Variants in UNC79 observed in about 807,000 individuals in gnomAD.
UNC79 encodes the protein unc-79 subunit of NALCN channel complex, also known as protein unc-79 homolog.
In UNC79, 37 loss-of-function variants were observed where a neutral mutation model predicts 283.1. The ratio of observed to expected loss-of-function variants is 0.13; its 90% CI spans 0.10 to 0.17. The LOEUF is 0.17. UNC79 is among the 10% of genes least tolerant of loss of function. The pLI is 1.00. For missense variants in UNC79, 2,272 were observed against 3,211.1 expected (o/e 0.71, Z 7.07); for synonymous variants, 1,107 against 1,200.2 (o/e 0.92, Z 1.61).
intron 19 of UNC79, 27 bp downstream of exon 19, chr14:93,580,403 C>A: frequency 6.2e-7 from 1 of 1,604,078 alleles, no homozygotes; most frequent in Non-Finnish European, 8.5e-7. Context: ...ACGAGATGAC[C>A]CATGTATAAT....
chr14:93,500,184 G>A (rs952393175), intron 7 of UNC79, among the ~76,000 whole-genome samples: 14 of 152,132 alleles, frequency 9.2e-5, no homozygotes, highest in Admixed American at 1.3e-4. Context: ...CCATTGCCCC[G>A]AGAAAGGTTC....
intron 41 of UNC79, among the ~76,000 whole-genome samples, chr14:93,675,197 G>A (rs1243166134): frequency 1.3e-5 from 2 of 152,154 alleles, no homozygotes; most frequent in East Asian, 1.9e-4. Flanking sequence ...CCTATCTTGG[G>A]CTGGGTTCTG....
intron 1 of UNC79, among the ~76,000 whole-genome samples, chr14:93,334,033 A>C (rs2053519511): frequency 6.6e-6 from 1 of 152,234 alleles, no homozygotes; most frequent in Non-Finnish European, 1.5e-5. Context: ...ATCTCTACCC[A>C]TTGTTTAACA....
chr14:93,434,922 A>G (rs534835121), intron 1 of UNC79, among the ~76,000 whole-genome samples: 67 of 152,322 alleles, frequency 4.4e-4, no homozygotes, highest in Admixed American at 1.6e-3. Flanking sequence ...GCCTCCCAGT[A>G]ACCAAAAATA....
intron 1 of UNC79, among the ~76,000 whole-genome samples, chr14:93,379,241 G>T (rs1017650909): frequency 1.3e-5 from 2 of 152,060 alleles, no homozygotes; most frequent in African/African-American, 2.4e-5. Context: ...GAACTACAGA[G>T]AATATGTCTT....
chr14:93,590,861 G>A (rs1009129840), intron 22 of UNC79, among the ~76,000 whole-genome samples: 2 of 152,200 alleles, frequency 1.3e-5, no homozygotes, highest in Non-Finnish European at 2.9e-5. Flanking sequence ...TTCCATGAAG[G>A]CACAAATTAT....
At chr14:93,667,259 A>G (rs1437877774) in intron 40 of UNC79, among the ~76,000 whole-genome samples, 1 of 152,080 alleles carries the variant, frequency 6.6e-6, no homozygotes, top group Non-Finnish European at 1.5e-5. Flanking sequence ...GAAAGAAGGA[A>G]GGAAAACATA....
intron 1 of UNC79, among the ~76,000 whole-genome samples, chr14:93,405,015 G>A (rs866998074): frequency 6.6e-5 from 10 of 152,052 alleles, no homozygotes; most frequent in Non-Finnish European, 1.3e-4. Flanking sequence ...GGGAGGGGTG[G>A]TTCATGCCTG....
chr14:93,702,449 A>G (rs896560441), intron 47 of UNC79, among the ~76,000 whole-genome samples: 1 of 152,266 alleles, frequency 6.6e-6, no homozygotes, highest in Non-Finnish European at 1.5e-5. Flanking sequence ...AAATGTCAAT[A>G]GAAGTCAAAT....
chr14:93,618,357 A>G lies in UNC79; in HGVS notation c.4387+3A>G. On this transcript the variant is annotated splice_donor_region_variant and intron_variant, in intron 29 of 48. Transcript: ENST00000555664. ...CAGATACAGCGAAAAAGAAAAAGGT[A>G]CATATCTAAATTCTATCCCAAACCT... is the stretch of plus-strand genomic sequence containing the variant. 4 of 1,606,502 alleles carry G rather than the reference A, an allele frequency of 2.5e-6. No homozygotes were observed. Among genetic ancestry groups the G allele is most frequent in the Non-Finnish European group, 3.4e-6 (4 of 1,177,480 alleles).
intron 1 of UNC79, among the ~76,000 whole-genome samples, chr14:93,358,460 G>A (rs985338958): frequency 6.6e-6 from 1 of 152,158 alleles, no homozygotes; most frequent in Non-Finnish European, 1.5e-5. Context: ...TAGAGAAAGA[G>A]CTGAAATTGT....
intron 31 of UNC79, among the ~76,000 whole-genome samples, chr14:93,632,644 A>C (rs1168460728): frequency 6.6e-6 from 1 of 151,938 alleles, no homozygotes; most frequent in Admixed American, 6.6e-5. Context: ...GGCTGCAGTG[A>C]GCTGTGATTG....
intron 47 of UNC79, among the ~76,000 whole-genome samples, chr14:93,702,054 T>G (rs1231885837): frequency 2.0e-5 from 3 of 152,218 alleles, no homozygotes. Flanking sequence ...GGCCCACTTC[T>G]GTATTAAATA....
chr14:93,502,182 G>A (rs1472887205), intron 7 of UNC79, among the ~76,000 whole-genome samples: 2 of 152,126 alleles, frequency 1.3e-5, no homozygotes, highest in African/African-American at 4.8e-5. Flanking sequence ...GGGAGGCCGA[G>A]GTGGGTGGAT....
chr14:93,404,493 A>AAAAAAAAAAAAAAAAATATATATATATAT, intron 1 of UNC79, among the ~76,000 whole-genome samples: 4 of 61,492 alleles, frequency 6.5e-5, no homozygotes, highest in South Asian at 4.6e-4. Flanking sequence ...TTCTAAAAAA[A>AAAAAAAAAAAAAAAAATATATATATATAT]ATATATATAT....
intron 47 of UNC79, among the ~76,000 whole-genome samples, chr14:93,704,296 A>C (rs1046144427): frequency 1.1e-4 from 17 of 152,346 alleles, no homozygotes; most frequent in South Asian, 4.2e-4. Context: ...CTGTGGAGGA[A>C]ATTCTATTTC....
At chr14:93,598,174 A>G (rs2065216701) in intron 24 of UNC79, among the ~76,000 whole-genome samples, 2 of 151,690 alleles carry the variant, frequency 1.3e-5, no homozygotes, top group Non-Finnish European at 2.9e-5. Flanking sequence ...TTTTTTTTGT[A>G]GAGACAGGAT....
At chr14:93,341,183 G>A (rs1278305915) in intron 1 of UNC79, among the ~76,000 whole-genome samples, 2 of 152,166 alleles carry the variant, frequency 1.3e-5, no homozygotes. Flanking sequence ...GGGTGCAGTG[G>A]TTCACGCCTG....
rs116356424 is a variant in UNC79, at chr14:93,430,341, C to T, written c.-689C>T. The stretch of plus-strand genomic sequence containing the variant: ...GCAGAGGGGAGGCGAGGGCAGGGAC[C>T]GCAGCGCACAGGGAAGCCATGCTGA... On this transcript the variant is annotated 5_prime_UTR_variant, in exon 1 of 49. Coordinates refer to ENST00000555664, the Ensembl canonical transcript of UNC79. This position sits in a 1 kb window ranked among gnomAD's most constrained non-coding sequence, Gnocchi z 4.6. 2,185 of 152,624 alleles carry T rather than the reference C, an allele frequency of 0.014. 23 individuals carry two copies. Among genetic ancestry groups the T allele is most frequent in the Middle Eastern group, 0.03 (9 of 296 alleles). 9.5% of individuals were successfully genotyped at this position (152,624 alleles called of 1,614,324 possible).
Sources: gnomAD v4.1 joint callset for allele counts (sites outside exome capture counted in the v4.1 genomes callset) on GRCh38, gnomAD v4.1.1 for gene constraint, Gnocchi (gnomAD v3.1) non-coding constraint, MANE v1.5 for transcripts, NCBI Gene and HGNC (gene_info 2026-07-23, HGNC 2026-07-21) for gene names.